Variants in KLK5 observed in about 807,000 individuals in gnomAD.
KLK5 encodes the protein kallikrein related peptidase 5.
KLK5 carries 18 observed loss-of-function variants against 24.0 expected under a neutral mutation model. The ratio of observed to expected loss-of-function variants is 0.75; its 90% CI spans 0.52 to 1.11. The LOEUF (loss-of-function observed/expected upper bound fraction) is 1.11, where lower values mean the gene tolerates loss of function less well. Among genes scored for constraint, KLK5 ranks in the 50% most tolerant of loss-of-function variants. The pLI, the probability that KLK5 is intolerant of heterozygous loss-of-function variation, is 0.00. For synonymous variants in KLK5, 140 were observed against 154.0 expected (o/e 0.91, Z 0.67); for missense variants, 374 against 379.2 (o/e 0.99, Z 0.11).
Position 50,952,593 on chromosome 19 carries a change from C to A in KLK5, c.65G>T (p.Gly22Val), listed in dbSNP as rs1227079942. 8.7e-6 allele frequency: 14 copies of A among 1,606,678 alleles called. No individual in the cohort carries two copies. The Admixed American group carries it at 1.7e-4, about 19-fold the overall frequency. ...LCALITALLL[G>V]VTEHVLANND... is the part of the protein sequence containing the mutation. Reference sequence around the variant, plus strand: ...CCCAGAGTTCTGGTTACCTGTGACCCCCAGAAGCAAGGCTGTGATCAGAGC... The same window carrying A: ...CCCAGAGTTCTGGTTACCTGTGACCACCAGAAGCAAGGCTGTGATCAGAGC... Residue 22 changes from glycine (G) to valine (V), a missense_variant, in exon 2 of 6, where the codon GGG (glycine) becomes GTG (valine). Coordinates refer to ENST00000336334, the MANE Select transcript of KLK5 (RefSeq NM_012427.5).
At chr19:50,944,944 TTTCC>T (rs995944395) in intron 5 of KLK5, among the ~76,000 whole-genome samples, 11 of 152,146 alleles carry the variant, frequency 7.2e-5, no homozygotes, top group Admixed American at 5.2e-4. Context: ...CTTTTCCTTC[TTTCC>T]TTCCTTCCTC....
chr19:50,948,914 G>A lies in KLK5; in HGVS notation c.537C>T (p.Pro179=), dbSNP rs1384609300. 2.5e-5 allele frequency: 40 copies of A among 1,613,936 alleles called. No homozygotes were observed. The highest frequency in any genetic ancestry group is 3.3e-5 in the Non-Finnish European group (39 of 1,180,034). ...ACACCAAGCACTTTGTCCCAGCAGAGGGACAATGAGAGGAGACGTTGATGG... is the reference window on the plus strand; with the variant it reads ...ACACCAAGCACTTTGTCCCAGCAGAAGGACAATGAGAGGAGACGTTGATGG... The part of the protein sequence containing the change: ...VRPINVSSHC[P]SAGTKCLVSG... The change falls in exon 4 of 6, where the codon CCC becomes CCT. Residue 179 remains proline, a synonymous_variant. Transcript: ENST00000336334.
rs2090658654 is a variant in KLK5, at chr19:50,948,883, A to G, written c.568T>C (p.Trp190Arg). 1 of 1,614,138 alleles carries G rather than the reference A, an allele frequency of 6.2e-7. No individual in the cohort carries two copies. The highest frequency in any genetic ancestry group is 1.3e-5 in the African/African-American group (1 of 75,020). The part of the protein sequence containing the change: ...SAGTKCLVSG[W>R]GTTKSPQVHF... The stretch of plus-strand genomic sequence containing the variant: ...CCTTGGGGGCTCTTGGTTGTCCCCC[A>G]GCCAGACACCAAGCACTTTGTCCCA... The change falls in exon 4 of 6, where the codon TGG becomes CGG. Residue 190 changes from tryptophan (W) to arginine (R), a missense_variant. By Grantham distance (101) the Trp-to-Arg change is moderately radical. Transcript: ENST00000336334.
Position 50,948,771 on chromosome 19 carries a change from G to A in KLK5, c.595C>T (p.His199Tyr), listed in dbSNP as rs2090657506. Reference sequence around the variant, plus strand: ...AAGCACTGGAGGACCTTAGGGAAGTGCACTGTCAAACAGGAACACAATGAG... The same window carrying A: ...AAGCACTGGAGGACCTTAGGGAAGTACACTGTCAAACAGGAACACAATGAG... The part of the protein sequence containing the change: ...GWGTTKSPQV[H>Y]FPKVLQCLNI... Residue 199 changes from histidine to tyrosine, a missense_variant and splice_region_variant, in exon 5 of 6, where the codon CAC becomes TAC. By Grantham distance (83) the His-to-Tyr change is moderately conservative. Coordinates refer to ENST00000336334, the MANE Select transcript of KLK5 (RefSeq NM_012427.5). 2.5e-6 allele frequency: 4 copies of A among 1,614,002 alleles called. No homozygotes were observed. In the African/African-American group the frequency reaches 4.0e-5, roughly 16 times the overall value.
chr19:50,949,705 T>G (rs2090666718), intron 3 of KLK5, 150 bp downstream of exon 3: 4 of 578,628 alleles, frequency 6.9e-6, no homozygotes, highest in East Asian at 5.2e-5. Flanking sequence ...CCCCAACCCA[T>G]CCCCACCAAC....
At chr19:50,951,090 G>A (rs1422300421) in intron 2 of KLK5, among the ~76,000 whole-genome samples, 1 of 151,974 alleles carries the variant, frequency 6.6e-6, no homozygotes, top group Non-Finnish European at 1.5e-5. Context: ...CAGGAAAGAA[G>A]GGCTCAGCTT....
chr19:50,944,988 T>TTTTC (rs992387394), intron 5 of KLK5, among the ~76,000 whole-genome samples: 1 of 151,546 alleles, frequency 6.6e-6, no homozygotes, highest in African/African-American at 2.4e-5. Context: ...CTTTCTTTCT[T>TTTTC]TTTCTTTCTT....
intron 5 of KLK5, among the ~76,000 whole-genome samples, chr19:50,944,620 G>T (rs904102213): frequency 5.9e-5 from 9 of 152,174 alleles, no homozygotes; most frequent in African/African-American, 2.2e-4. Flanking sequence ...CTGGATGAGG[G>T]TTCCTCGATC....
chr19:50,944,974 CTTT>C lies in KLK5; in HGVS notation c.727-1191_727-1189del, dbSNP rs960677845. On this transcript the variant is annotated intron_variant, in intron 5 of 5. Transcript: ENST00000336334. ...TTCCTTCCTCTCTCTTTTCTTTCTT[CTTT>C]CTTTCTTTCTTTTTCTTTCTTTCTC... Among the ~76,000 whole-genome samples the C allele has an allele frequency of 1.7e-4, 25 of 150,708 alleles. 1 individual carries two copies. The highest frequency in any genetic ancestry group is 1.5e-3 in the Admixed American group (23 of 15,096).
chr19:50,949,800 C>CCAGCCCTCACCTCCATCACAA, intron 3 of KLK5, 55 bp downstream of exon 3: 2 of 235,566 alleles, frequency 8.5e-6, no homozygotes, highest in Admixed American at 7.6e-5. Context: ...CACTTCCCCA[C>CCAGCCCTCACCTCCATCACAA]CCCCACCCCC....
chr19:50,948,431 C>T (rs268902), intron 5 of KLK5, among the ~76,000 whole-genome samples: 18,972 of 152,142 alleles, frequency 0.12, 3,534 homozygotes, highest in African/African-American at 0.41. Flanking sequence ...CCTTTTTTAC[C>T]TGTTTTAATG....
intron 2 of KLK5, among the ~76,000 whole-genome samples, chr19:50,951,630 A>T (rs2090688628): frequency 6.6e-6 from 1 of 152,108 alleles, no homozygotes; most frequent in South Asian, 2.1e-4. Context: ...TCACCCCAAG[A>T]ACCACGCGCA....
In KLK5 at chr19:50,949,885, C is replaced by T. The variant is rs780219906; in HGVS notation, c.305G>A (p.Trp102Ter). The change falls in exon 3 of 6, where the codon TGG becomes TAG. Residue 102 changes from tryptophan to a stop codon, truncating the protein, a stop_gained. Coordinates refer to ENST00000336334, the MANE Select transcript of KLK5 (RefSeq NM_012427.5). LOFTEE classifies it high-confidence loss of function. Reference protein sequence around the residue: ...YCGAVLVHPQWLLTAAHCRKK... With the variant: ...YCGAVLVHPQ ...CCTGCAGTGGGCGGCCGTGAGCAGC[C>T]ACTGTGGATGCACCAACACCGCCCC... is the stretch of plus-strand genomic sequence containing the variant. 6.2e-7 allele frequency: 1 copy of T among 1,610,984 alleles called. No individual in the cohort carries two copies. The highest frequency in any genetic ancestry group is 1.7e-5 in the Admixed American group (1 of 59,744).
At chr19:50,952,359 C>T (rs2090694722) in intron 2 of KLK5, among the ~76,000 whole-genome samples, 1 of 152,062 alleles carries the variant, frequency 6.6e-6, no homozygotes, top group South Asian at 2.1e-4. Context: ...TGCCACCTGC[C>T]GCACAGTCAC....
rs2232539 is a variant in KLK5 at position 50,943,607 on chromosome 19, C to G, written c.*24G>C. On this transcript the variant is annotated 3_prime_UTR_variant, in exon 6 of 6. Transcript: ENST00000336334. ...CTGTCCCTGCAGCAGGTGGGGATGC[C>G]GGTGTGCTGAGTCCTGGGATGACTC... is the stretch of plus-strand genomic sequence containing the variant. 3.1e-6 allele frequency: 5 copies of G among 1,601,250 alleles called. No homozygotes were observed. In the African/African-American group the frequency reaches 5.4e-5, roughly 17 times the overall value.
chr19:50,949,811 A>AAACC, intron 3 of KLK5, 44 bp downstream of exon 3: 1 of 251,086 alleles, frequency 4.0e-6, no homozygotes, highest in Non-Finnish European at 6.3e-6. Context: ...CCCCACCCCC[A>AAACC]CTTCCCCGTC....
Position 50,949,015 on chromosome 19 carries a change from A to AGTGGCCAGGGTGGGC in KLK5, c.435_436insGCCCACCCTGGCCAC (p.Tyr145_Ser146insAlaHisProGlyHis). On this transcript the variant is annotated inframe_insertion, in exon 4 of 6. Coordinates refer to ENST00000336334, the MANE Select transcript of KLK5 (RefSeq NM_012427.5). ...AGGTCGTTAGAGTGGCCAGGGTGGGAGTAGCCAGGGTGGGGGATGGATTTG... is the reference window on the plus strand; with the variant it reads ...AGGTCGTTAGAGTGGCCAGGGTGGGAGTGGCCAGGGTGGGCGTAGCCAGGGTGGGGGATGGATTTG... The AGTGGCCAGGGTGGGC allele has an allele frequency of 6.2e-7, 1 of 1,613,866 alleles. No homozygotes were observed. The highest frequency in any genetic ancestry group is 2.2e-5 in the East Asian group (1 of 44,858).
At position 50,943,649 on chromosome 19, in the gene KLK5, G is replaced by T. The variant is rs532213513; in HGVS notation, c.864C>A (p.Thr288=). 6.2e-7 allele frequency: 1 copy of T among 1,613,984 alleles called. No individual in the cohort carries two copies. The highest frequency in any genetic ancestry group is 1.7e-5 in the Admixed American group (1 of 60,008). The part of the protein sequence containing the change: ...LCKFTKWIQE[T]IQANS ...GGATGACTCAGGAGTTGGCCTGGAT[G>T]GTTTCCTGGATCCACTTGGTGAACT... The change falls in exon 6 of 6, where the codon ACC becomes ACA. Residue 288 remains threonine (T), a synonymous_variant. Coordinates refer to ENST00000336334, the MANE Select transcript of KLK5 (RefSeq NM_012427.5).
At chr19:50,946,939 G>T (rs73932690) in intron 5 of KLK5, among the ~76,000 whole-genome samples, 41 of 152,164 alleles carry the variant, frequency 2.7e-4, no homozygotes, top group African/African-American at 9.6e-4. Flanking sequence ...GAAATGGGGA[G>T]AGCTGGGGAG....
Sources: gnomAD v4.1 joint callset for allele counts (sites outside exome capture counted in the v4.1 genomes callset) on GRCh38, gnomAD v4.1.1 for gene constraint, MANE v1.5 for transcripts, NCBI Gene and HGNC (gene_info 2026-07-23, HGNC 2026-07-21) for gene names.